CCSER1: variants seen among roughly 807,000 people sequenced by gnomAD.
CCSER1 encodes coiled-coil serine rich protein 1.
In CCSER1, 41 loss-of-function variants were observed where a neutral mutation model predicts 82.0. The observed-to-expected ratio is 0.50, with a 90% confidence interval of 0.39 to 0.65. The LOEUF (loss-of-function observed/expected upper bound fraction) is 0.65, where lower values mean the gene tolerates loss of function less well. Among genes scored for constraint, CCSER1 ranks in the 30% least tolerant of loss-of-function variants. The pLI is 0.00. For missense variants in CCSER1, 1,119 were observed against 1,064.2 expected, an observed-to-expected ratio of 1.05 and a Z score of -0.72; for synonymous variants, 414 against 383.9, an observed-to-expected ratio of 1.08 and a Z score of -0.92.
At chr4:90,897,656 G>C (rs1309479772) in intron 8 of CCSER1, among the ~76,000 whole-genome samples, 1 of 151,956 alleles carries the variant, frequency 6.6e-6, no homozygotes, top group African/African-American at 2.4e-5. Flanking sequence ...ACCCAGTAGT[G>C]GGGTTGAAAG....
At chr4:90,610,338 G>A (rs563955264) in intron 5 of CCSER1, among the ~76,000 whole-genome samples, 5 of 151,852 alleles carry the variant, frequency 3.3e-5, no homozygotes, top group Non-Finnish European at 7.4e-5. Flanking sequence ...ACAAAAGATC[G>A]CAAGGAATCT....
At chr4:90,134,104 T>C (rs1298268349) in intron 1 of CCSER1, among the ~76,000 whole-genome samples, 3 of 152,244 alleles carry the variant, frequency 2.0e-5, no homozygotes, top group Middle Eastern at 3.2e-3. Context: ...CTTTATAATG[T>C]TATGTCATGT....
intron 10 of CCSER1, among the ~76,000 whole-genome samples, chr4:91,242,822 A>G (rs1409255830): frequency 6.6e-6 from 1 of 152,186 alleles, no homozygotes; most frequent in African/African-American, 2.4e-5. Context: ...AAATGGACAA[A>G]AGATCTAAAG....
intron 4 of CCSER1, among the ~76,000 whole-genome samples, chr4:90,463,596 T>C (rs373180629): frequency 6.6e-6 from 1 of 152,204 alleles, no homozygotes; most frequent in African/African-American, 2.4e-5. Flanking sequence ...GGTAGATACA[T>C]GGATCCTGGA....
chr4:91,205,639 A>G (rs925674567), intron 10 of CCSER1, among the ~76,000 whole-genome samples: 4 of 148,706 alleles, frequency 2.7e-5, no homozygotes, highest in African/African-American at 4.9e-5. Context: ...CTTCTTCCCT[A>G]TCTTCCTTGC....
intron 10 of CCSER1, among the ~76,000 whole-genome samples, chr4:91,491,794 T>C (rs1758558162): frequency 6.6e-6 from 1 of 152,032 alleles, no homozygotes; most frequent in Non-Finnish European, 1.5e-5. Context: ...GATGGATCAA[T>C]AGATGGAAAT....
At chr4:90,668,988 A>C (rs898064353) in intron 6 of CCSER1, among the ~76,000 whole-genome samples, 2 of 152,112 alleles carry the variant, frequency 1.3e-5, no homozygotes, top group Non-Finnish European at 2.9e-5. Context: ...CCATAAGAGA[A>C]ATGCAAAGCA....
chr4:90,296,243 C>T (rs1731882812), intron 1 of CCSER1, among the ~76,000 whole-genome samples: 1 of 152,018 alleles, frequency 6.6e-6, no homozygotes, highest in Non-Finnish European at 1.5e-5. Context: ...CATGTGCAGT[C>T]AAAGTGATCA....
chr4:90,617,597 C>T (rs993243776), intron 5 of CCSER1, among the ~76,000 whole-genome samples: 45 of 152,266 alleles, frequency 3.0e-4, no homozygotes, highest in Non-Finnish European at 2.1e-4. Context: ...GGAAAAGATT[C>T]ATCAACAGAA....
chr4:90,619,449 A>T (rs919855625), intron 5 of CCSER1, among the ~76,000 whole-genome samples: 8 of 151,540 alleles, frequency 5.3e-5, no homozygotes, highest in Admixed American at 2.0e-4. Flanking sequence ...ATTTTAGATT[A>T]AAAAAAATTT....
intron 10 of CCSER1, among the ~76,000 whole-genome samples, chr4:91,156,183 A>G (rs184478430): frequency 6.6e-6 from 1 of 151,774 alleles, no homozygotes; most frequent in Non-Finnish European, 1.5e-5. Context: ...GGGGTTCATT[A>G]TATCTACTAT....
chr4:90,247,169 ATTGT>A (rs949888172), intron 1 of CCSER1, among the ~76,000 whole-genome samples: 3 of 152,136 alleles, frequency 2.0e-5, no homozygotes, highest in African/African-American at 7.2e-5. Flanking sequence ...AAACTAATGA[ATTGT>A]TTATTTATGG....
intron 9 of CCSER1, among the ~76,000 whole-genome samples, chr4:90,945,672 G>A (rs182104571): frequency 6.6e-6 from 1 of 152,182 alleles, no homozygotes; most frequent in Admixed American, 6.5e-5. Context: ...TGCCCGAACC[G>A]CTAATGCTAT....
chr4:91,174,575 A>G (rs1453756342), intron 10 of CCSER1, among the ~76,000 whole-genome samples: 1 of 152,098 alleles, frequency 6.6e-6, no homozygotes, highest in African/African-American at 2.4e-5. Flanking sequence ...TCAGCCCCAC[A>G]TGCATTAGGT....
At chr4:90,810,780 G>T (rs188549812) in intron 7 of CCSER1, among the ~76,000 whole-genome samples, 5 of 152,148 alleles carry the variant, frequency 3.3e-5, no homozygotes, top group Non-Finnish European at 7.4e-5. Flanking sequence ...TCCCAAAGGG[G>T]TGTGCCACTT....
intron 9 of CCSER1, among the ~76,000 whole-genome samples, chr4:91,021,300 A>G (rs1739940001): frequency 6.6e-6 from 1 of 152,140 alleles, no homozygotes; most frequent in Non-Finnish European, 1.5e-5. Flanking sequence ...ATGAGATAAT[A>G]TATATGATAA....
chr4:90,620,901 C>A (rs900129321), intron 5 of CCSER1, among the ~76,000 whole-genome samples: 28 of 152,154 alleles, frequency 1.8e-4, no homozygotes, highest in Admixed American at 7.2e-4. Flanking sequence ...GCAACCTCCA[C>A]CTCCTGGGTT....
At chr4:91,103,042 T>G (rs1371991123) in intron 10 of CCSER1, among the ~76,000 whole-genome samples, 1 of 152,240 alleles carries the variant, frequency 6.6e-6, no homozygotes, top group African/African-American at 2.4e-5. Context: ...CTTTTTAATT[T>G]TTGGCATTGC....
At chr4:90,824,164 C>T (rs986359145) in intron 8 of CCSER1, among the ~76,000 whole-genome samples, 40 of 152,070 alleles carry the variant, frequency 2.6e-4, no homozygotes, top group African/African-American at 8.7e-4. Flanking sequence ...TATCCCTTTT[C>T]GTGTTATTCA....
Sources: allele counts gnomAD v4.1 joint callset (sites outside exome capture counted in the v4.1 genomes callset), GRCh38; gene constraint gnomAD v4.1.1; transcripts MANE v1.5; gene names NCBI Gene and HGNC (gene_info 2026-07-23, HGNC 2026-07-21).